Variants in NAV3 observed in about 807,000 individuals in gnomAD.
NAV3 encodes pore membrane and/or filament interacting like protein 1.
NAV3 carries 87 observed loss-of-function variants against 244.7 expected under a neutral mutation model. The ratio of observed to expected loss-of-function variants is 0.36; its 90% CI spans 0.30 to 0.42. NAV3 has a LOEUF of 0.42. Among genes scored for constraint, NAV3 ranks in the 20% least tolerant of loss-of-function variants. The probability of loss-of-function intolerance (pLI) is 1.00; values close to 1 mark genes in which losing one functional copy is unlikely to be tolerated. For synonymous variants in NAV3, 1,126 were observed against 1,042.2 expected (o/e 1.08, Z -1.55); for missense variants, 2,663 against 2,893.3 (o/e 0.92, Z 1.83).
chr12:77,668,218 C>T (rs559979556), intron 2 of NAV3, among the ~76,000 whole-genome samples: 1 of 152,214 alleles, frequency 6.6e-6, no homozygotes, highest in South Asian at 2.1e-4. Context: ...TATGACCAAA[C>T]AAAGTTCTTG....
intron 9 of NAV3, among the ~76,000 whole-genome samples, chr12:78,040,904 G>A (rs1459770653): frequency 1.3e-5 from 2 of 151,968 alleles, no homozygotes; most frequent in Non-Finnish European, 2.9e-5. Context: ...TTCTTTGTAT[G>A]TCTCTTCCTT....
intron 2 of NAV3, among the ~76,000 whole-genome samples, chr12:77,580,334 G>T (rs1869303084): frequency 6.6e-6 from 1 of 151,982 alleles, no homozygotes; most frequent in Non-Finnish European, 1.5e-5. Flanking sequence ...TTCCCTGTGG[G>T]TCTGGTCATT....
At chr12:77,994,287 T>G (rs1871960492) in intron 5 of NAV3, among the ~76,000 whole-genome samples, 1 of 152,248 alleles carries the variant, frequency 6.6e-6, no homozygotes, top group African/African-American at 2.4e-5. Context: ...CAGCAATAAC[T>G]TATTAGACAG....
chr12:77,714,176 G>A (rs1464544747), intron 2 of NAV3, among the ~76,000 whole-genome samples: 1 of 151,944 alleles, frequency 6.6e-6, no homozygotes, highest in Admixed American at 6.6e-5. Context: ...CAGAGGTTGG[G>A]GATATAAGGC....
At chr12:77,884,375 A>C in intron 1 of NAV3, among the ~76,000 whole-genome samples, 1 of 152,104 alleles carries the variant, frequency 6.6e-6, no homozygotes, top group East Asian at 1.9e-4. Context: ...GGATGTCTAC[A>C]AGCTGGAGGC....
chr12:78,007,941 T>C (rs1874529889), intron 8 of NAV3, among the ~76,000 whole-genome samples: 1 of 152,230 alleles, frequency 6.6e-6, no homozygotes, highest in South Asian at 2.1e-4. Context: ...CTATAAGACA[T>C]TGGGAAAGTT....
intron 12 of NAV3, among the ~76,000 whole-genome samples, chr12:78,112,083 G>A (rs919338013): frequency 2.0e-5 from 3 of 152,116 alleles, no homozygotes; most frequent in African/African-American, 7.2e-5. Flanking sequence ...GCGAATCATA[G>A]CACTAGGGCT....
At chr12:77,948,151 C>A (rs935421816) in intron 3 of NAV3, among the ~76,000 whole-genome samples, 13 of 151,960 alleles carry the variant, frequency 8.6e-5, no homozygotes, top group African/African-American at 2.9e-4. Context: ...AACATGAAAT[C>A]ATTTCGTTGT....
intron 9 of NAV3, among the ~76,000 whole-genome samples, chr12:78,025,474 T>A (rs1263774058): frequency 1.3e-5 from 2 of 151,512 alleles, no homozygotes; most frequent in Non-Finnish European, 2.9e-5. Context: ...CAGACACCTG[T>A]AGTCCCAGAT....
At chr12:77,643,872 G>A (rs1057507589) in intron 2 of NAV3, among the ~76,000 whole-genome samples, 1 of 151,968 alleles carries the variant, frequency 6.6e-6, no homozygotes, top group Non-Finnish European at 1.5e-5. Flanking sequence ...CAGATACATA[G>A]TTGTTTTTAT....
At chr12:77,680,777 G>T (rs1874415815) in intron 2 of NAV3, among the ~76,000 whole-genome samples, 1 of 152,070 alleles carries the variant, frequency 6.6e-6, no homozygotes, top group African/African-American at 2.4e-5. Context: ...AAAGTTAAAA[G>T]AGAGTCTTGG....
At chr12:78,209,653 T>G (rs907005743) in intron 39 of NAV3, among the ~76,000 whole-genome samples, 2 of 152,154 alleles carry the variant, frequency 1.3e-5, no homozygotes, top group Non-Finnish European at 2.9e-5. Flanking sequence ...CTAGCTGCCT[T>G]TCTCCCCAGG....
chr12:77,661,266 T>C (rs1233114060), intron 2 of NAV3, among the ~76,000 whole-genome samples: 1 of 152,160 alleles, frequency 6.6e-6, no homozygotes, highest in Admixed American at 6.5e-5. Context: ...CTCTTTATTT[T>C]AGTCATTCTA....
At chr12:77,768,802 C>G (rs921070869) in intron 2 of NAV3, among the ~76,000 whole-genome samples, 1 of 152,230 alleles carries the variant, frequency 6.6e-6, no homozygotes, top group Non-Finnish European at 1.5e-5. Flanking sequence ...GTTCCTGGTT[C>G]CTGCCAGCTC....
intron 2 of NAV3, among the ~76,000 whole-genome samples, chr12:77,804,403 C>T (rs1019131582): frequency 1.3e-5 from 2 of 152,128 alleles, no homozygotes; most frequent in African/African-American, 4.8e-5. Flanking sequence ...AGCCAGTTTT[C>T]CCAAAACCAT....
At chr12:77,977,144 A>G (rs1298653395) in intron 5 of NAV3, among the ~76,000 whole-genome samples, 1 of 152,184 alleles carries the variant, frequency 6.6e-6, no homozygotes, top group Non-Finnish European at 1.5e-5. Context: ...GAAATGTTGC[A>G]TGTAAGTAGG....
chr12:78,200,602 C>T lies in NAV3; in HGVS notation c.6834+11C>T. On this transcript the variant is annotated intron_variant, in intron 38 of 39. Transcript: ENST00000397909. Reference sequence around the variant, plus strand: ...AGAGAGGGTCTTCAGGTATAGTACTCAATTTTCATTGCTATTTTTTTTTAA... The same window carrying T: ...AGAGAGGGTCTTCAGGTATAGTACTTAATTTTCATTGCTATTTTTTTTTAA... 1 of 1,276,048 alleles carries T rather than the reference C, an allele frequency of 7.8e-7. No individual in the cohort carries two copies. The highest frequency in any genetic ancestry group is 1.1e-6 in the Non-Finnish European group (1 of 935,686). 79.0% of individuals were successfully genotyped at this position (1,276,048 alleles called of 1,614,324 possible). A position where few individuals can be genotyped will look rare whatever the true frequency, so the allele number is the denominator to read the frequency against.
At chr12:78,059,392 G>A (rs2137417687) in intron 12 of NAV3, among the ~76,000 whole-genome samples, 1 of 152,106 alleles carries the variant, frequency 6.6e-6, no homozygotes, top group South Asian at 2.1e-4. Flanking sequence ...GGGTTCAAGT[G>A]ATTCTCCTGC....
intron 19 of NAV3, among the ~76,000 whole-genome samples, chr12:78,138,674 T>C (rs1276136931): frequency 6.6e-6 from 1 of 152,172 alleles, no homozygotes; most frequent in African/African-American, 2.4e-5. Flanking sequence ...ATAGGCTTCT[T>C]ATAATACTTT....
Sources: allele counts gnomAD v4.1 joint callset (sites outside exome capture counted in the v4.1 genomes callset), GRCh38; gene constraint gnomAD v4.1.1; transcripts MANE v1.5; gene names NCBI Gene and HGNC (gene_info 2026-07-23, HGNC 2026-07-21).